FANK1: variants seen among roughly 807,000 people sequenced by gnomAD.
The protein encoded by FANK1 is fibronectin type 3 and ankyrin repeat domains protein 1.
Under a neutral mutation model 45.3 loss-of-function variants are expected in FANK1, and 44 were observed. That is an observed-to-expected ratio of 0.97 (90% CI 0.76 to 1.25). FANK1 has a LOEUF of 1.25. FANK1 is among the 50% of genes most tolerant of loss of function. The pLI is 0.00. For synonymous variants in FANK1, 149 were observed against 152.5 expected (o/e 0.98, Z 0.17); for missense variants, 391 against 424.4 (o/e 0.92, Z 0.69).
At chr10:125,926,121 T>C (rs1394283572) in intron 1 of FANK1, among the ~76,000 whole-genome samples, 2 of 152,302 alleles carry the variant, frequency 1.3e-5, no homozygotes, top group African/African-American at 4.8e-5. Flanking sequence ...TTAAGAATAC[T>C]TTCATCGCAT....
At chr10:125,963,259 C>T (rs912800736) in intron 1 of FANK1, among the ~76,000 whole-genome samples, 2 of 152,166 alleles carry the variant, frequency 1.3e-5, no homozygotes, top group Non-Finnish European at 2.9e-5. Context: ...GTTGGGATTA[C>T]AGGTGTGGAG....
chr10:125,982,935 A>G (rs1403128664), intron 2 of FANK1, among the ~76,000 whole-genome samples: 1 of 142,038 alleles, frequency 7.0e-6, no homozygotes, highest in Non-Finnish European at 1.5e-5. Context: ...TTTTCTCATC[A>G]TTCTATCTTG....
chr10:125,978,592 T>C (rs1950995211), intron 1 of FANK1, among the ~76,000 whole-genome samples: 1 of 152,188 alleles, frequency 6.6e-6, no homozygotes, highest in African/African-American at 2.4e-5. Flanking sequence ...TTAAAGCAGC[T>C]GTCCGGCCAC....
At chr10:125,981,789 A>G (rs1468807785) in intron 2 of FANK1, among the ~76,000 whole-genome samples, 2 of 152,204 alleles carry the variant, frequency 1.3e-5, no homozygotes, top group Non-Finnish European at 1.5e-5. Flanking sequence ...ATTGGCATTG[A>G]TGCAGTCAAG....
rs573656892 is a variant in FANK1, at chr10:125,939,978, T to C, written c.14-40183T>C. Among the ~76,000 whole-genome samples the C allele has an allele frequency of 2.0e-4, 31 of 151,912 alleles. 1 individual carries two copies. In the South Asian group the frequency reaches 6.2e-3, roughly 31 times the overall value. On this transcript the variant is annotated intron_variant, in intron 1 of 10. Coordinates refer to ENST00000368693, the MANE Select transcript of FANK1 (RefSeq NM_145235.5). ...CAGAGTCTCGCTCTGTTGCCCAGGC[T>C]GGAGTGAAGTGTCATGATCTCGGCT...
intron 2 of FANK1, among the ~76,000 whole-genome samples, chr10:125,984,247 G>A (rs996873700): frequency 4.6e-5 from 7 of 152,292 alleles, no homozygotes; most frequent in Admixed American, 3.9e-4. Flanking sequence ...CAGGCCATGC[G>A]GCAGCCTCTG....
chr10:125,960,231 G>A (rs919322550), intron 1 of FANK1: 7 of 292,400 alleles, frequency 2.4e-5, no homozygotes, highest in Admixed American at 7.7e-5. Context: ...GACTCCAGGA[G>A]GGGGGTTACT....
At chr10:125,922,403 T>C (rs990520931) in intron 1 of FANK1, among the ~76,000 whole-genome samples, 1 of 152,236 alleles carries the variant, frequency 6.6e-6, no homozygotes, top group Non-Finnish European at 1.5e-5. Context: ...CTTTTCAGAG[T>C]ACTTGGATCA....
chr10:125,945,909 C>G lies in FANK1; in HGVS notation c.14-34252C>G, dbSNP rs1226367736. ...CAGCACGCAGCTGGAGATCTGAGAACCGGCAGACTGCCTCCTCAAGTGGGT... is the reference window on the plus strand; with the variant it reads ...CAGCACGCAGCTGGAGATCTGAGAAGCGGCAGACTGCCTCCTCAAGTGGGT... On this transcript the variant is annotated intron_variant, in intron 1 of 10. Coordinates refer to ENST00000368693, the MANE Select transcript of FANK1 (RefSeq NM_145235.5). Among the ~76,000 whole-genome samples the G allele has an allele frequency of 1.3e-5, 2 of 152,174 alleles. 1 individual carries two copies. The highest frequency in any genetic ancestry group is 4.1e-4 in the South Asian group (2 of 4,828).
intron 1 of FANK1, among the ~76,000 whole-genome samples, chr10:125,919,620 G>T (rs558110325): frequency 6.6e-6 from 1 of 152,226 alleles, no homozygotes; most frequent in East Asian, 1.9e-4. Context: ...CATGGTGGTT[G>T]CTGTTATTCT....
chr10:126,009,188 A>G, intron 9 of FANK1, 34 bp from the exon 10 acceptor site: 1 of 1,614,182 alleles, frequency 6.2e-7, no homozygotes, highest in African/African-American at 1.3e-5. Context: ...AAACATTTAT[A>G]AGCATGTAAA....
intron 1 of FANK1, among the ~76,000 whole-genome samples, chr10:125,964,967 T>C (rs1049166806): frequency 2.0e-5 from 3 of 152,218 alleles, no homozygotes; most frequent in Admixed American, 6.5e-5. Context: ...GAGACCAGCC[T>C]GACTAACATG....
rs768062040 is a variant in FANK1 at position 126,004,953 on chromosome 10, G to T, written c.609G>T (p.Trp203Cys). 4 of 1,614,072 alleles carry T rather than the reference G, an allele frequency of 2.5e-6. No homozygotes were observed. In the Admixed American group the frequency reaches 6.7e-5, roughly 27 times the overall value. Residue 203 changes from tryptophan (W) to cysteine (C), a missense_variant, in exon 7 of 11, where the codon TGG (tryptophan) becomes TGT (cysteine). Coordinates refer to ENST00000368693, the MANE Select transcript of FANK1 (RefSeq NM_145235.5). Reference protein sequence around the residue: ...VKYLRRHGASWQARDLGGCTA... With the variant: ...VKYLRRHGASCQARDLGGCTA... ...ATCTCCGAAGACATGGCGCTTCTTGGCAGGCTAGAGACCTGGGAGGCTGTA... is the reference window on the plus strand; with the variant it reads ...ATCTCCGAAGACATGGCGCTTCTTGTCAGGCTAGAGACCTGGGAGGCTGTA...
intron 6 of FANK1, among the ~76,000 whole-genome samples, 171 bp downstream of exon 6, chr10:125,997,656 A>AT (rs1048845310): frequency 6.6e-6 from 1 of 152,220 alleles, no homozygotes; most frequent in Non-Finnish European, 1.5e-5. Context: ...GCTTGCTCAC[A>AT]TGGTCTTGTG....
At position 125,904,627 on chromosome 10, in the gene FANK1, C is replaced by T. The variant is rs572790675; in HGVS notation, c.13+7972C>T. On this transcript the variant is annotated intron_variant, in intron 1 of 10. Transcript: ENST00000368693. ...CTGAGCTCAAGCACTTCTCCCATCT[C>T]GGCCTCCCAAAGTGCTGGGATTACA... Among the ~76,000 whole-genome samples the T allele has an allele frequency of 1.7e-4, 26 of 151,910 alleles. 1 individual carries two copies. The South Asian group carries it at 4.8e-3, about 28-fold the overall frequency.
chr10:125,901,220 C>A (rs1283276364), intron 1 of FANK1, among the ~76,000 whole-genome samples: 1 of 152,166 alleles, frequency 6.6e-6, no homozygotes, highest in Non-Finnish European at 1.5e-5. Context: ...GTCTTCCAAG[C>A]CTTCCCAGTT....
At chr10:125,989,452 G>A (rs777748549) in intron 3 of FANK1, 4 of 1,210,698 alleles carry the variant, frequency 3.3e-6, no homozygotes, top group African/African-American at 3.0e-5. Flanking sequence ...TTGGAGGTAT[G>A]TGCTTTCCAT....
At chr10:125,934,186 A>G (rs1458503749) in intron 1 of FANK1, among the ~76,000 whole-genome samples, 7 of 152,196 alleles carry the variant, frequency 4.6e-5, no homozygotes, top group African/African-American at 2.4e-5. Context: ...TGGAAGAAAA[A>G]CATATTAAAA....
chr10:125,996,700 AGGATGGGAGG>A, intron 5 of FANK1, 76 bp downstream of exon 5: 1 of 1,439,398 alleles, frequency 6.9e-7, no homozygotes, highest in Admixed American at 2.0e-5. Flanking sequence ...GGTCAGGATA[AGGATGGGAGG>A]AAAAAGGGCC....
Sources: allele counts gnomAD v4.1 joint callset (sites outside exome capture counted in the v4.1 genomes callset), GRCh38; gene constraint gnomAD v4.1.1; transcripts MANE v1.5; gene names NCBI Gene and HGNC (gene_info 2026-07-23, HGNC 2026-07-21).